Variants in CHRM1 observed in about 807,000 individuals in gnomAD.
CHRM1 encodes the protein muscarinic acetylcholine receptor M1.
CHRM1 carries 5 observed loss-of-function variants against 31.6 expected under a neutral mutation model. The observed-to-expected ratio is 0.16, with a 90% CI of 0.08 to 0.33. The LOEUF (loss-of-function observed/expected upper bound fraction) is 0.33, where lower values mean the gene tolerates loss of function less well. Among genes scored for constraint, CHRM1 ranks in the 10% least tolerant of loss-of-function variants. CHRM1 has a pLI of 1.00. For missense variants in CHRM1, 338 were observed against 610.3 expected, an observed-to-expected ratio of 0.55 and a Z score of 4.70; for synonymous variants, 227 against 249.7, an observed-to-expected ratio of 0.91 and a Z score of 0.86.
chr11:62,919,764 G>C (rs1017877568), intron 1 of CHRM1, among the ~76,000 whole-genome samples: 1 of 152,200 alleles, frequency 6.6e-6, no homozygotes, highest in Admixed American at 6.5e-5. Context: ...CCTGCTCATG[G>C]AGGCGGCAGC....
Position 62,909,912 on chromosome 11 carries a change from C to G in CHRM1, c.1189G>C (p.Glu397Gln), listed in dbSNP as rs779005189. The G allele has an allele frequency of 6.2e-7, 1 of 1,614,196 alleles. No homozygotes were observed. Among genetic ancestry groups the G allele is most frequent in the African/African-American group, 1.3e-5 (1 of 75,056 alleles). The change falls in exon 2 of 2, where the codon GAG (glutamate) becomes CAG (glutamine). Residue 397 changes from glutamate (E) to glutamine (Q), a missense_variant. Coordinates refer to ENST00000306960, the MANE Select transcript of CHRM1 (RefSeq NM_000738.3). ...CAGTAGCCCAGCTCCCACAGGGTCT[C>G]GGGAACACAGTCCTTGCAGAAGGTG... ...VSTFCKDCVP[E>Q]TLWELGYWLC...
In CHRM1 at chr11:62,909,283, G is replaced by A. The variant is rs547306257; in HGVS notation, c.*435C>T. On this transcript the variant is annotated 3_prime_UTR_variant, in exon 2 of 2. Transcript: ENST00000306960. ...CTGTCATCTGGCTTTTCTCCCAGCGGCCAGTTCAGTTTCTGGCTGTGCCCC... is the reference window on the plus strand; with the variant it reads ...CTGTCATCTGGCTTTTCTCCCAGCGACCAGTTCAGTTTCTGGCTGTGCCCC... The A allele has an allele frequency of 7.3e-4, 128 of 174,958 alleles. No individual in the cohort carries two copies. Among genetic ancestry groups the A allele is most frequent in the East Asian group, 6.9e-3 (44 of 6,354 alleles). The allele number at this position is 174,958 out of a possible 1,614,324, so 10.8% of individuals were successfully genotyped here.
At chr11:62,919,593 C>T (rs1474827004) in intron 1 of CHRM1, among the ~76,000 whole-genome samples, 1 of 152,044 alleles carries the variant, frequency 6.6e-6, no homozygotes, top group African/African-American at 2.4e-5. Context: ...TCCTCATTTC[C>T]TTTCTTCTCT....
At chr11:62,913,765 G>A in intron 1 of CHRM1, among the ~76,000 whole-genome samples, 1 of 151,772 alleles carries the variant, frequency 6.6e-6, no homozygotes, top group East Asian at 1.9e-4. Context: ...AGCTCCCTGA[G>A]TGCCAGTTGC....
chr11:62,919,104 T>C (rs1056362560), intron 1 of CHRM1, among the ~76,000 whole-genome samples: 3 of 151,912 alleles, frequency 2.0e-5, no homozygotes, highest in Non-Finnish European at 4.4e-5. Flanking sequence ...TCTGGCCAGG[T>C]CTACTCACTG....
chr11:62,913,115 C>T (rs2085880885), intron 1 of CHRM1, among the ~76,000 whole-genome samples: 1 of 152,174 alleles, frequency 6.6e-6, no homozygotes, highest in African/African-American at 2.4e-5. Flanking sequence ...ACTCTGGAGC[C>T]AGACTATCTG....
In CHRM1 at chr11:62,910,233, A is replaced by T; in HGVS notation, c.868T>A (p.Ser290Thr). 6.2e-7 allele frequency: 1 copy of T among 1,612,006 alleles called. No homozygotes were observed. The highest frequency in any genetic ancestry group is 2.2e-5 in the East Asian group (1 of 44,848). The change falls in exon 2 of 2, where the codon TCC becomes ACC. Residue 290 changes from serine to threonine, a missense_variant. By Grantham distance (58) the Ser-to-Thr change is moderately conservative. This residue lies in a region of CHRM1 where 183 missense variants were observed against 223.4 expected (regional missense o/e 0.82). Coordinates refer to ENST00000306960, the MANE Select transcript of CHRM1 (RefSeq NM_000738.3). This position sits in a 1 kb window ranked among gnomAD's most constrained non-coding sequence, Gnocchi z 8.7. ...GAGCCAGGCTCCTCTCCCTCTGAGG[A>T]TGTGAGGGACTCCATGGAGCCTTCG... ...EDEGSMESLT[S>T]SEGEEPGSEV... is the part of the protein sequence containing the mutation.
intron 1 of CHRM1, among the ~76,000 whole-genome samples, chr11:62,916,062 G>A (rs1311261488): frequency 6.6e-6 from 1 of 151,938 alleles, no homozygotes; most frequent in East Asian, 1.9e-4. Context: ...CACCTGCCTC[G>A]GCCTCCCAAA....
chr11:62,916,748 G>A (rs1440922744), intron 1 of CHRM1: 1 of 152,306 alleles, frequency 6.6e-6, no homozygotes, highest in Non-Finnish European at 1.5e-5. Context: ...GTAGATTTCT[G>A]ATGGTCCCAC....
intron 1 of CHRM1, among the ~76,000 whole-genome samples, chr11:62,915,639 T>G (rs1197931101): frequency 6.6e-6 from 1 of 152,158 alleles, no homozygotes; most frequent in African/African-American, 2.4e-5. Flanking sequence ...TAGTTCCCAG[T>G]CTTGGGTTTG....
At chr11:62,911,815 G>A (rs182713661) in intron 1 of CHRM1, among the ~76,000 whole-genome samples, 1 of 152,242 alleles carries the variant, frequency 6.6e-6, no homozygotes, top group East Asian at 1.9e-4. Context: ...CACTCTCCCC[G>A]GGTATGTGGT....
chr11:62,910,149 G>A lies in CHRM1; in HGVS notation c.952C>T (p.Pro318Ser). The change falls in exon 2 of 2, where the codon CCC becomes TCC. Residue 318 changes from proline to serine, a missense_variant. Transcript: ENST00000306960. This position sits in a 1 kb window ranked among gnomAD's most constrained non-coding sequence, Gnocchi z 8.7. ...ACTGTATTTGGGGAGCTCCGTGGGGGCTGCTTGGTGGGGGCCTGTGCCTCG... is the reference window on the plus strand; with the variant it reads ...ACTGTATTTGGGGAGCTCCGTGGGGACTGCTTGGTGGGGGCCTGTGCCTCG... ...DPEAQAPTKQ[P>S]PRSSPNTVKR... 6.2e-7 allele frequency: 1 copy of A among 1,606,384 alleles called. No homozygotes were observed. Among genetic ancestry groups the A allele is most frequent in the East Asian group, 2.2e-5 (1 of 44,798 alleles).
chr11:62,915,658 C>T (rs905101541), intron 1 of CHRM1, among the ~76,000 whole-genome samples: 3 of 152,276 alleles, frequency 2.0e-5, no homozygotes, highest in Non-Finnish European at 4.4e-5. Context: ...TGAAGCTTGG[C>T]GCTGAGCCTT....
rs901067074 is a variant in CHRM1, at chr11:62,909,312, G to T, written c.*406C>A. On this transcript the variant is annotated 3_prime_UTR_variant, in exon 2 of 2. Transcript: ENST00000306960. ...GTTCAGTTTCTGGCTGTGCCCCCCA[G>T]GGGGCACCATCTCACACCGCAATCT... 6.9e-5 allele frequency: 13 copies of T among 187,994 alleles called. No homozygotes were observed. Among genetic ancestry groups the T allele is most frequent in the Non-Finnish European group, 1.4e-4 (13 of 90,218 alleles). The allele number at this position is 187,994 out of a possible 1,614,324, so 11.6% of individuals were successfully genotyped here. A position where few individuals can be genotyped will look rare whatever the true frequency, so the allele number is the denominator to read the frequency against.
At chr11:62,911,424 A>G (rs1565265044) in intron 1 of CHRM1, among the ~76,000 whole-genome samples, 2 of 151,772 alleles carry the variant, frequency 1.3e-5, no homozygotes, top group Non-Finnish European at 2.9e-5. Flanking sequence ...TACCTTTCAG[A>G]CTCCAGGCCT....
intron 1 of CHRM1, among the ~76,000 whole-genome samples, chr11:62,918,905 G>C (rs2085915792): frequency 6.6e-6 from 1 of 152,142 alleles, no homozygotes. Flanking sequence ...GAAGGGGAGG[G>C]AGGGAATGAG....
chr11:62,912,788 T>G (rs1423309033), intron 1 of CHRM1, among the ~76,000 whole-genome samples: 1 of 152,188 alleles, frequency 6.6e-6, no homozygotes, highest in Non-Finnish European at 1.5e-5. Flanking sequence ...ATTGAAGAGG[T>G]TGAGGGTCCC....
Position 62,910,476 on chromosome 11 carries a change from A to C in CHRM1, c.625T>G (p.Trp209Gly). The C allele has an allele frequency of 6.2e-7, 1 of 1,614,100 alleles. No individual in the cohort carries two copies. The highest frequency in any genetic ancestry group is 8.5e-7 in the Non-Finnish European group (1 of 1,180,028). Residue 209 changes from tryptophan to glycine, a missense_variant, in exon 2 of 2, where the codon TGG becomes GGG. By Grantham distance (184) the Trp-to-Gly change is radical. Around this residue, in one of 4 missense-constraint regions of CHRM1, gnomAD observed 183 missense variants for 223.4 expected, o/e 0.82. Coordinates refer to ENST00000306960, the MANE Select transcript of CHRM1 (RefSeq NM_000738.3). This position sits in a 1 kb window ranked among gnomAD's most constrained non-coding sequence, Gnocchi z 8.7. ...TTCTCTGTCTCCCGGTAGATGCGCC[A>C]GTAGAGCGTGCACATGACTGTGACA... ...LPVTVMCTLY[W>G]RIYRETENRA...
In CHRM1 at chr11:62,909,728, C is replaced by T. The variant is rs369764574; in HGVS notation, c.1373G>A (p.Arg458His). 6.3e-5 allele frequency: 102 copies of T among 1,613,342 alleles called. No homozygotes were observed. The highest frequency in any genetic ancestry group is 1.6e-4 in the Middle Eastern group (1 of 6,080). The change falls in exon 2 of 2, where the codon CGC becomes CAC. Residue 458 changes from arginine to histidine, a missense_variant. Physicochemically the swap from Arg to His is conservative, Grantham distance 29 (BLOSUM62 0). Coordinates refer to ENST00000306960, the MANE Select transcript of CHRM1 (RefSeq NM_000738.3). ...RPGSVHRTPS[R>H]QC ...CAGGAGAGGGGACTATCAGCATTGGCGGGAGGGAGTGCGGTGCACGGAGCC... is the reference window on the plus strand; with the variant it reads ...CAGGAGAGGGGACTATCAGCATTGGTGGGAGGGAGTGCGGTGCACGGAGCC...
Sources: allele counts gnomAD v4.1 joint callset (sites outside exome capture counted in the v4.1 genomes callset), GRCh38; gene constraint gnomAD v4.1.1; regional missense constraint gnomAD v4.1.1; non-coding constraint Gnocchi (gnomAD v3.1); transcripts MANE v1.5; gene names NCBI Gene and HGNC (gene_info 2026-07-23, HGNC 2026-07-21).